NECTIN4: variants seen among roughly 807,000 people sequenced by gnomAD.
The protein encoded by NECTIN4 is nectin cell adhesion molecule 4, also known as nectin-4.
NECTIN4 carries 19 observed loss-of-function variants against 51.7 expected under a neutral mutation model. That is an observed-to-expected ratio of 0.37 (90% CI 0.26 to 0.54). The LOEUF is 0.54. Among genes scored for constraint, NECTIN4 ranks in the 20% least tolerant of loss-of-function variants. The pLI, the probability that NECTIN4 is intolerant of heterozygous loss-of-function variation, is 0.86. For missense variants in NECTIN4, 619 were observed against 662.4 expected, an observed-to-expected ratio of 0.93 and a Z score of 0.72; for synonymous variants, 283 against 286.9, an observed-to-expected ratio of 0.99 and a Z score of 0.14.
intron 1 of NECTIN4, among the ~76,000 whole-genome samples, chr1:161,086,451 C>G (rs944564219): frequency 6.6e-6 from 1 of 152,208 alleles, no homozygotes; most frequent in Non-Finnish European, 1.5e-5. Context: ...ATGGGCCCCT[C>G]CCTTTCAAGG....
At chr1:161,077,384 G>A (rs1170327223) in intron 3 of NECTIN4, 69 bp downstream of exon 3, 3 of 1,567,364 alleles carry the variant, frequency 1.9e-6, no homozygotes, top group Non-Finnish European at 1.8e-6. Flanking sequence ...ATGGCTCAGG[G>A]ACCTGTGGCA....
chr1:161,079,870 G>A lies in NECTIN4; in HGVS notation c.159C>T (p.Phe53=). The change falls in exon 2 of 9, where the codon TTC becomes TTT. Residue 53 remains phenylalanine, a synonymous_variant. Coordinates refer to ENST00000368012, the MANE Select transcript of NECTIN4 (RefSeq NM_030916.3). ...CTTGCTCGCCGGAGTCCCCTCGGTA[G>A]AAGCAGGGCAGTTTTGCGTCCTGGC... ...VLGQDAKLPC[F]YRGDSGEQVG... The A allele has an allele frequency of 6.2e-7, 1 of 1,613,956 alleles. No homozygotes were observed.
Position 161,074,262 on chromosome 1 carries a change from A to T in NECTIN4, c.1112T>A (p.Met371Lys). 1 of 1,614,118 alleles carries T rather than the reference A, an allele frequency of 6.2e-7. No homozygotes were observed. The highest frequency in any genetic ancestry group is 8.5e-7 in the Non-Finnish European group (1 of 1,180,018). ...GGCCTTGCGCCGATGGTATCGGGAC[A>T]TGAGCACCACCACCACCACCAGAAG... ...FCLLVVVVVL[M>K]SRYHRRKAQQ... The change falls in exon 6 of 9, where the codon ATG becomes AAG. Residue 371 changes from methionine (M) to lysine (K), a missense_variant. Physicochemically the swap from Met to Lys is moderately conservative, Grantham distance 95. Coordinates refer to ENST00000368012, the MANE Select transcript of NECTIN4 (RefSeq NM_030916.3).
In NECTIN4 at chr1:161,077,697, G is replaced by T; in HGVS notation, c.486C>A (p.Gly162=). ...SLNPGPALEE[G]QGLTLAASCT... The stretch of plus-strand genomic sequence containing the variant: ...AGGAGGCTGCCAGGGTCAGGCCCTG[G>T]CCCTCTTCTAGTGCTGGACCAGGAT... The change falls in exon 3 of 9, where the codon GGC becomes GGA. Residue 162 remains glycine (G), a synonymous_variant. Transcript: ENST00000368012. 6.2e-7 allele frequency: 1 copy of T among 1,612,646 alleles called. No homozygotes were observed.
rs759208807 is a variant in NECTIN4 at position 161,079,685 on chromosome 1, C to T, written c.344G>A (p.Arg115His). The change falls in exon 2 of 9, where the codon CGC becomes CAC. Residue 115 changes from arginine (R) to histidine (H), a missense_variant. Physicochemically the swap from Arg to His is conservative, Grantham distance 29. Transcript: ENST00000368012. ...GCCCTCATCCGCCTGCACTGCGTTG[C>T]GCAGGAGCACTGAGCCGTCCAGGGG... ...RNPLDGSVLL[R>H]NAVQADEGEY... The T allele has an allele frequency of 6.2e-7, 1 of 1,607,526 alleles. No individual in the cohort carries two copies. The highest frequency in any genetic ancestry group is 8.5e-7 in the Non-Finnish European group (1 of 1,179,540).
chr1:161,080,560 G>T (rs535109274), intron 1 of NECTIN4, among the ~76,000 whole-genome samples: 2 of 152,190 alleles, frequency 1.3e-5, no homozygotes, highest in South Asian at 4.2e-4. Context: ...TTCCTATAGC[G>T]CAGGAAATGT....
Position 161,089,043 on chromosome 1 carries a change from G to A in NECTIN4, c.79+175C>T, listed in dbSNP as rs1654072504. On this transcript the variant is annotated intron_variant, in intron 1 of 8. Transcript: ENST00000368012. The surrounding 1 kb of genome is among the most constrained non-coding windows in gnomAD (Gnocchi z 4.1). ...AAACAAGAAGGGGGAGGGCTATACT[G>A]GCTTTTCTGGGGGCACTGCTGGAAG... is the stretch of plus-strand genomic sequence containing the variant. Among the ~76,000 whole-genome samples the A allele has an allele frequency of 6.6e-6, 1 of 152,030 alleles. No homozygotes were observed. The highest frequency in any genetic ancestry group is 2.1e-4 in the South Asian group (1 of 4,818).
chr1:161,080,285 C>T (rs1238141635), intron 1 of NECTIN4, among the ~76,000 whole-genome samples: 1 of 152,152 alleles, frequency 6.6e-6, no homozygotes, highest in African/African-American at 2.4e-5. Flanking sequence ...GAACAGGAGA[C>T]CCAGCCTCTG....
At chr1:161,080,129 T>G (rs1361422408) in intron 1 of NECTIN4, among the ~76,000 whole-genome samples, 180 bp from the exon 2 acceptor site, 1 of 152,196 alleles carries the variant, frequency 6.6e-6, no homozygotes, top group African/African-American at 2.4e-5. Flanking sequence ...GTAGGCGTTA[T>G]TATCACCGTT....
chr1:161,089,094 CAGTTCAGAGTCAAAGAA>C lies in NECTIN4; in HGVS notation c.79+107_79+123del. The C allele has an allele frequency of 1.1e-6, 1 of 919,824 alleles. No homozygotes were observed. The highest frequency in any genetic ancestry group is 1.3e-5 in the South Asian group (1 of 76,864). The allele number at this position is 919,824 out of a possible 1,614,324, so 57.0% of individuals were successfully genotyped here. ...CTGGGGGCAGGAGAGACTGGATCCT[CAGTTCAGAGTCAAAGAA>C]AGGAGGATATGTGTGTGCGTGCGTG... On this transcript the variant is annotated intron_variant, in intron 1 of 8. Coordinates refer to ENST00000368012, the MANE Select transcript of NECTIN4 (RefSeq NM_030916.3). This position sits in a 1 kb window ranked among gnomAD's most constrained non-coding sequence, Gnocchi z 4.1.
At chr1:161,084,410 C>G (rs1209676954) in intron 1 of NECTIN4, 1 of 152,294 alleles carries the variant, frequency 6.6e-6, no homozygotes, top group Admixed American at 6.5e-5. Flanking sequence ...CCACATGTCT[C>G]TCTGTCTCAG....
intron 1 of NECTIN4, among the ~76,000 whole-genome samples, chr1:161,082,336 CA>C (rs1221847896): frequency 2.0e-5 from 3 of 151,034 alleles, no homozygotes; most frequent in East Asian, 1.9e-4. Context: ...CCCCCGCCAC[CA>C]AAAAAAATGA....
rs1384845407 is a variant in NECTIN4 at position 161,089,499 on chromosome 1, TG to T, written c.-204del. The T allele has an allele frequency of 1.5e-5, 9 of 606,528 alleles. No homozygotes were observed. The highest frequency in any genetic ancestry group is 2.4e-5 in the Non-Finnish European group (8 of 338,928). The allele number at this position is 606,528 out of a possible 1,614,324, so 37.6% of individuals were successfully genotyped here. A position where few individuals can be genotyped will look rare whatever the true frequency, so the allele number is the denominator to read the frequency against. On this transcript the variant is annotated 5_prime_UTR_variant, in exon 1 of 9. Coordinates refer to ENST00000368012, the MANE Select transcript of NECTIN4 (RefSeq NM_030916.3). This position sits in a 1 kb window ranked among gnomAD's most constrained non-coding sequence, Gnocchi z 4.1. ...AGCCGTAGCTACCCCCAAGAAGCCG[TG>T]ATCGGGAGCTCCGAGCTCCCCCAGA...
rs773233240 is a variant in NECTIN4, at chr1:161,077,456, A to G, written c.727T>C (p.Ser243Pro). ...DQRITHILHV[S>P]FLAEASVRGL... ...ACCCAAGCATCCAAGTACTTACAGG[A>G]CACGTGGAGGATGTGGGTGATCCTT... The change falls in exon 3 of 9, where the codon TCC (serine) becomes CCC (proline). Residue 243 changes from serine to proline, a missense_variant. By Grantham distance (74) the Ser-to-Pro change is moderately conservative. Around this residue, in one of 3 missense-constraint regions of NECTIN4, gnomAD observed 364 missense variants for 415.7 expected, o/e 0.88. Coordinates refer to ENST00000368012, the MANE Select transcript of NECTIN4 (RefSeq NM_030916.3). 18 of 1,614,090 alleles carry G rather than the reference A, an allele frequency of 1.1e-5. No homozygotes were observed. The South Asian group carries it at 1.4e-4, about 13-fold the overall frequency.
At position 161,079,797 on chromosome 1, in the gene NECTIN4, C is replaced by T. The variant is rs775022226; in HGVS notation, c.232G>A (p.Glu78Lys). Residue 78 changes from glutamate (E) to lysine (K), a missense_variant, in exon 2 of 9, where the codon GAA becomes AAA. Around this residue, in one of 3 missense-constraint regions of NECTIN4, gnomAD observed 218 missense variants for 186.3 expected, o/e 1.17. Coordinates refer to ENST00000368012, the MANE Select transcript of NECTIN4 (RefSeq NM_030916.3). ...TATTTGGAGTGCAGTAGCGCTAGTT[C>T]CTGGGCGCCTTCGCCCGCGTCCACC... Reference protein sequence around the residue: ...ARVDAGEGAQELALLHSKYGL... With the variant: ...ARVDAGEGAQKLALLHSKYGL... 1.9e-6 allele frequency: 3 copies of T among 1,613,284 alleles called. No homozygotes were observed. The highest frequency in any genetic ancestry group is 1.3e-5 in the African/African-American group (1 of 74,936).
At position 161,072,654 on chromosome 1, in the gene NECTIN4, G is replaced by T. The variant is rs777879927; in HGVS notation, c.*7C>A. The T allele has an allele frequency of 1.2e-6, 2 of 1,612,912 alleles. No individual in the cohort carries two copies. Among genetic ancestry groups the T allele is most frequent in the South Asian group, 1.1e-5 (1 of 91,068 alleles). ...AGCCAGGCCTAGGGAAGGGAGGCAG[G>T]CCTGGGTCAGACCAGGTGTCCCCGC... On this transcript the variant is annotated 3_prime_UTR_variant, in exon 9 of 9. Transcript: ENST00000368012.
chr1:161,078,376 C>T (rs1026625672), intron 2 of NECTIN4, among the ~76,000 whole-genome samples: 4 of 152,014 alleles, frequency 2.6e-5, no homozygotes, highest in Admixed American at 6.6e-5. Context: ...GGCATGATCT[C>T]GGCTCACTGC....
chr1:161,073,028 G>A (rs1034809225), intron 8 of NECTIN4, 143 bp from the exon 9 acceptor site: 32 of 946,566 alleles, frequency 3.4e-5, no homozygotes, highest in Middle Eastern at 3.1e-4. Flanking sequence ...CCCAGAGATC[G>A]GGGACCAGGA....
At position 161,079,783 on chromosome 1, in the gene NECTIN4, C is replaced by G; in HGVS notation, c.246G>C (p.Leu82=). The G allele has an allele frequency of 6.2e-7, 1 of 1,613,066 alleles. No individual in the cohort carries two copies. Among genetic ancestry groups the G allele is most frequent in the Non-Finnish European group, 8.5e-7 (1 of 1,179,978 alleles). ...TCACATGAAGCCCGTATTTGGAGTG[C>G]AGTAGCGCTAGTTCCTGGGCGCCTT... is the stretch of plus-strand genomic sequence containing the variant. ...AGEGAQELAL[L]HSKYGLHVSP... Residue 82 remains leucine, a synonymous_variant, in exon 2 of 9, where the codon CTG becomes CTC. Transcript: ENST00000368012.
Sources: allele counts gnomAD v4.1 joint callset (sites outside exome capture counted in the v4.1 genomes callset), GRCh38; gene constraint gnomAD v4.1.1; regional missense constraint gnomAD v4.1.1; non-coding constraint Gnocchi (gnomAD v3.1); transcripts MANE v1.5; gene names NCBI Gene and HGNC (gene_info 2026-07-23, HGNC 2026-07-21).